Variants in MPPED2 observed in about 807,000 individuals in gnomAD.
The protein encoded by MPPED2 is metallophosphoesterase domain containing 2.
In MPPED2, 5 loss-of-function variants were observed where a neutral mutation model predicts 33.0. That is an observed-to-expected ratio of 0.15 (90% CI 0.08 to 0.32). The LOEUF (loss-of-function observed/expected upper bound fraction) is 0.32. MPPED2 is among the 10% of genes least tolerant of loss of function. MPPED2 has a pLI of 1.00. For missense variants in MPPED2, 275 were observed against 372.1 expected (o/e 0.74, Z 2.15); for synonymous variants, 136 against 141.9 (o/e 0.96, Z 0.29).
At chr11:30,489,668 C>T (rs1182181171) in intron 4 of MPPED2, among the ~76,000 whole-genome samples, 2 of 152,196 alleles carry the variant, frequency 1.3e-5, no homozygotes, top group East Asian at 1.9e-4. Context: ...CCTGGGTCCA[C>T]TCTAACGTGA....
chr11:30,512,152 T>C (rs374081847), intron 3 of MPPED2, among the ~76,000 whole-genome samples: 96 of 152,284 alleles, frequency 6.3e-4, no homozygotes, highest in African/African-American at 2.1e-3. Context: ...TCTATTGTCA[T>C]TGGGCTTCTA....
At chr11:30,455,774 A>C (rs1341201464) in intron 4 of MPPED2, among the ~76,000 whole-genome samples, 1 of 152,096 alleles carries the variant, frequency 6.6e-6, no homozygotes, top group Non-Finnish European at 1.5e-5. Context: ...GAGGTATGGG[A>C]GCTCCCCACT....
At chr11:30,451,171 G>A (rs1950042983) in intron 4 of MPPED2, among the ~76,000 whole-genome samples, 1 of 152,188 alleles carries the variant, frequency 6.6e-6, no homozygotes, top group Non-Finnish European at 1.5e-5. Flanking sequence ...TGAGGATGGG[G>A]ACTTTGACTA....
intron 3 of MPPED2, among the ~76,000 whole-genome samples, chr11:30,521,546 T>C (rs1046879236): frequency 2.6e-5 from 4 of 152,238 alleles, no homozygotes; most frequent in African/African-American, 9.6e-5. Flanking sequence ...GTCAGCAGTC[T>C]AGCAGCATTC....
At chr11:30,415,956 A>G (rs1948334823) in intron 5 of MPPED2, among the ~76,000 whole-genome samples, 1 of 152,262 alleles carries the variant, frequency 6.6e-6, no homozygotes, top group South Asian at 2.1e-4. Context: ...CTGCTCAGGC[A>G]AAAGGATGAA....
At chr11:30,515,249 G>C (rs1474069429) in intron 3 of MPPED2, among the ~76,000 whole-genome samples, 1 of 152,144 alleles carries the variant, frequency 6.6e-6, no homozygotes, top group Non-Finnish European at 1.5e-5. Flanking sequence ...CTGGGTTTAG[G>C]ATAATAGGAG....
At chr11:30,452,023 C>G in intron 4 of MPPED2, 1 of 985,460 alleles carries the variant, frequency 1.0e-6, no homozygotes, top group Non-Finnish European at 1.2e-6. Context: ...TGCCTCTTCT[C>G]ATTTTGCCCT....
chr11:30,403,481 T>A (rs1177505815), intron 6 of MPPED2, among the ~76,000 whole-genome samples: 1 of 152,226 alleles, frequency 6.6e-6, no homozygotes, highest in Non-Finnish European at 1.5e-5. Flanking sequence ...TTCAACAAAT[T>A]TTCTTAGGTG....
chr11:30,547,379 T>C (rs901642766), intron 2 of MPPED2, among the ~76,000 whole-genome samples: 2 of 152,220 alleles, frequency 1.3e-5, no homozygotes, highest in Non-Finnish European at 2.9e-5. Flanking sequence ...ACGCCTAATA[T>C]TTAGCAGTAT....
At chr11:30,449,642 A>G (rs908744505) in intron 4 of MPPED2, among the ~76,000 whole-genome samples, 4 of 152,222 alleles carry the variant, frequency 2.6e-5, no homozygotes, top group African/African-American at 7.2e-5. Flanking sequence ...CCTTGTTTCA[A>G]TAAAAAAAGA....
chr11:30,489,051 CCTTTT>C (rs970971857), intron 4 of MPPED2, among the ~76,000 whole-genome samples: 2 of 37,042 alleles, frequency 5.4e-5, no homozygotes, highest in Non-Finnish European at 5.6e-5. Flanking sequence ...TTCTTCTTCT[CCTTTT>C]TTTTTTTTTT....
At chr11:30,452,389 C>T (rs193100613) in intron 4 of MPPED2, among the ~76,000 whole-genome samples, 116 of 152,354 alleles carry the variant, frequency 7.6e-4, no homozygotes, top group South Asian at 2.1e-4. Context: ...TCCTGTGGCA[C>T]CCATACCTTC....
intron 3 of MPPED2, among the ~76,000 whole-genome samples, chr11:30,504,039 C>A (rs1267989270): frequency 1.3e-5 from 2 of 152,162 alleles, no homozygotes; most frequent in African/African-American, 4.8e-5. Context: ...AGATATACAA[C>A]AATTTGATCA....
downstream of MPPED2, among the ~76,000 whole-genome samples, chr11:30,409,263 AC>A (rs1385341113): frequency 6.6e-6 from 1 of 151,664 alleles, no homozygotes; most frequent in Non-Finnish European, 1.5e-5. Context: ...TCTCACTCCA[AC>A]CCCCTAGGAT....
At chr11:30,576,430 T>C (rs1401884392) in intron 2 of MPPED2, among the ~76,000 whole-genome samples, 1 of 152,182 alleles carries the variant, frequency 6.6e-6, no homozygotes, top group African/African-American at 2.4e-5. Context: ...TTGAGTTCCC[T>C]AGTCGTCAAT....
intron 2 of MPPED2, among the ~76,000 whole-genome samples, chr11:30,553,793 C>A (rs2134649250): frequency 6.6e-6 from 1 of 152,264 alleles, no homozygotes; most frequent in Non-Finnish European, 1.5e-5. Flanking sequence ...ATGGTACCTA[C>A]AATGCCAAGC....
intron 4 of MPPED2, among the ~76,000 whole-genome samples, chr11:30,477,656 G>A (rs1418771853): frequency 6.6e-6 from 1 of 151,876 alleles, no homozygotes. Context: ...CATGAGGCAT[G>A]TTATTCTGTA....
intron 3 of MPPED2, chr11:30,501,706 A>G (rs1052354180): frequency 2.1e-5 from 12 of 578,060 alleles, no homozygotes; most frequent in Non-Finnish European, 2.6e-5. Flanking sequence ...TTATTCTTCT[A>G]TGAGCATGCA....
At chr11:30,548,672 C>A (rs961010036) in intron 2 of MPPED2, among the ~76,000 whole-genome samples, 22 of 151,622 alleles carry the variant, frequency 1.5e-4, no homozygotes, top group Non-Finnish European at 2.2e-4. Flanking sequence ...GTGCATTTTA[C>A]CTGGGACTTG....
Sources: gnomAD v4.1 joint callset for allele counts (sites outside exome capture counted in the v4.1 genomes callset) on GRCh38, gnomAD v4.1.1 for gene constraint, MANE v1.5 for transcripts, NCBI Gene and HGNC (gene_info 2026-07-23, HGNC 2026-07-21) for gene names.